RAB11FIP5: variants seen among roughly 807,000 people sequenced by gnomAD.
The protein encoded by RAB11FIP5 is rab11 family-interacting protein 5.
A neutral mutation model predicts 85.1 loss-of-function variants in RAB11FIP5; 48 were observed. The observed-to-expected ratio is 0.56, with a 90% CI of 0.45 to 0.72. The LOEUF is 0.72. Ranked by LOEUF, RAB11FIP5 falls within the 30% of genes least tolerant of loss-of-function variation. The pLI, the probability that RAB11FIP5 is intolerant of heterozygous loss-of-function variation, is 0.00. For missense variants in RAB11FIP5, 1,491 were observed against 1,687.0 expected, an observed-to-expected ratio of 0.88 and a Z score of 2.04; for synonymous variants, 729 against 727.3, an observed-to-expected ratio of 1.00 and a Z score of -0.04.
Position 73,096,736 on chromosome 2 carries a change from C to T in RAB11FIP5, c.432-7421G>A, listed in dbSNP as rs541267611. On this transcript the variant is annotated intron_variant, in intron 1 of 5. Coordinates refer to ENST00000486777, the MANE Select transcript of RAB11FIP5 (RefSeq NM_001371272.1). ...CCCTGTTTACCTGACGTCCACATTCCACCCAGCAAAGACGTGAAGTGGGAG... is the reference window on the plus strand; with the variant it reads ...CCCTGTTTACCTGACGTCCACATTCTACCCAGCAAAGACGTGAAGTGGGAG... Among the ~76,000 whole-genome samples, 6 of 152,312 alleles carry T rather than the reference C, an allele frequency of 3.9e-5. No individual in the cohort carries two copies. The East Asian group carries it at 1.2e-3, about 29-fold the overall frequency.
rs1042396366 is a variant in RAB11FIP5 at position 73,081,394 on chromosome 2, A to C, written c.1838T>G (p.Ile613Arg). The change falls in exon 4 of 6, where the codon ATA becomes AGA. Residue 613 changes from isoleucine (I) to arginine (R), a missense_variant. This residue lies in a region of RAB11FIP5 where 1,211 missense variants were observed against 1,338.0 expected (regional missense o/e 0.91). Coordinates refer to ENST00000486777, the MANE Select transcript of RAB11FIP5 (RefSeq NM_001371272.1). The surrounding 1 kb of genome is among the most constrained non-coding windows in gnomAD (Gnocchi z 4.2). ...AGGAGAGTTTAGTGCTATGTCGGCTATGAGCTCCTCGAAGAAGGGGTTGCT... is the reference window on the plus strand; with the variant it reads ...AGGAGAGTTTAGTGCTATGTCGGCTCTGAGCTCCTCGAAGAAGGGGTTGCT... ...LQSNPFFEEL[I>R]ADIALNSPSP... 1.6e-6 allele frequency: 2 copies of C among 1,232,584 alleles called. No individual in the cohort carries two copies. Among genetic ancestry groups the C allele is most frequent in the Admixed American group, 4.2e-5 (1 of 23,716 alleles). The allele number at this position is 1,232,584 out of a possible 1,614,324, so 76.4% of individuals were successfully genotyped here.
At chr2:73,094,832 G>A (rs755351473) in intron 1 of RAB11FIP5, among the ~76,000 whole-genome samples, 6 of 152,056 alleles carry the variant, frequency 3.9e-5, no homozygotes, top group South Asian at 2.1e-4. Context: ...CCTCCCCCAG[G>A]AGGGGGTAAG....
chr2:73,090,520 A>C (rs1255317095), intron 1 of RAB11FIP5, among the ~76,000 whole-genome samples: 1 of 152,220 alleles, frequency 6.6e-6, no homozygotes, highest in Non-Finnish European at 1.5e-5. Flanking sequence ...GTAGGTGAAA[A>C]GATAAGCAAA....
intron 1 of RAB11FIP5, among the ~76,000 whole-genome samples, chr2:73,097,758 T>C (rs1003756959): frequency 1.3e-5 from 2 of 152,210 alleles, no homozygotes; most frequent in African/African-American, 2.4e-5. Flanking sequence ...TGAGACCTTC[T>C]TTAATTGTGA....
At chr2:73,097,442 C>T (rs1188493188) in intron 1 of RAB11FIP5, among the ~76,000 whole-genome samples, 1 of 152,214 alleles carries the variant, frequency 6.6e-6, no homozygotes, top group Non-Finnish European at 1.5e-5. Context: ...TGCACATGTT[C>T]AAGGCTTGTT....
chr2:73,082,040 CTT>C (rs11409259), intron 3 of RAB11FIP5, among the ~76,000 whole-genome samples: 19 of 129,834 alleles, frequency 1.5e-4, no homozygotes, highest in Middle Eastern at 4.0e-3. Context: ...CCTTACATCC[CTT>C]TTTTTTTTTT....
At position 73,080,979 on chromosome 2, in the gene RAB11FIP5, G is replaced by C; in HGVS notation, c.2253C>G (p.Pro751=). The C allele has an allele frequency of 8.1e-7, 1 of 1,232,322 alleles. No homozygotes were observed. Among genetic ancestry groups the C allele is most frequent in the South Asian group, 4.1e-5 (1 of 24,330 alleles). 76.3% of individuals were successfully genotyped at this position (1,232,322 alleles called of 1,614,324 possible). Residue 751 remains proline, a synonymous_variant, in exon 4 of 6, where the codon CCC becomes CCG. Coordinates refer to ENST00000486777, the MANE Select transcript of RAB11FIP5 (RefSeq NM_001371272.1). The stretch of plus-strand genomic sequence containing the variant: ...TCAGCTGTAGCTGGGCTGACGAGGA[G>C]GGCAGGCCAGCCCCTACCGACCCGA... ...GLLGSVGAGL[P]SSSAQLQLRA...
Position 73,075,729 on chromosome 2 carries a change from G to C in RAB11FIP5, c.3772-5C>G, listed in dbSNP as rs376076506. 6.3e-7 allele frequency: 1 copy of C among 1,591,922 alleles called. No individual in the cohort carries two copies. Among genetic ancestry groups the C allele is most frequent in the Admixed American group, 1.7e-5 (1 of 57,900 alleles). The stretch of plus-strand genomic sequence containing the variant: ...CTGGTCCAGCACAGCTGAGTCCTGA[G>C]GCCGGACCGAAGACAGTGAGCAGGG... On this transcript the variant is annotated splice_region_variant and splice_polypyrimidine_tract_variant and intron_variant, in intron 5 of 5. Transcript: ENST00000486777. The surrounding 1 kb of genome is among the most constrained non-coding windows in gnomAD (Gnocchi z 4.6).
chr2:73,081,683 C>G lies in RAB11FIP5; in HGVS notation c.1569-20G>C. The G allele has an allele frequency of 8.1e-7, 1 of 1,231,738 alleles. No homozygotes were observed. The highest frequency in any genetic ancestry group is 1.0e-6 in the Non-Finnish European group (1 of 987,636). 76.3% of individuals were successfully genotyped at this position (1,231,738 alleles called of 1,614,324 possible). On this transcript the variant is annotated intron_variant, in intron 3 of 5. Coordinates refer to ENST00000486777, the MANE Select transcript of RAB11FIP5 (RefSeq NM_001371272.1). The surrounding 1 kb of genome is among the most constrained non-coding windows in gnomAD (Gnocchi z 4.2). The stretch of plus-strand genomic sequence containing the variant: ...TCCAGGCTGTGGAGGGAGACAAAAC[C>G]GTGAGCCTCCTGGTTAATGCCAAGA...
intron 3 of RAB11FIP5, among the ~76,000 whole-genome samples, chr2:73,082,245 G>A (rs1365032547): frequency 1.3e-5 from 2 of 152,020 alleles, no homozygotes; most frequent in Admixed American, 6.6e-5. Context: ...TCCTGGCCTC[G>A]TGATCTGCCC....
chr2:73,082,006 T>A (rs1048162922), intron 3 of RAB11FIP5, among the ~76,000 whole-genome samples: 1 of 151,598 alleles, frequency 6.6e-6, no homozygotes, highest in African/African-American at 2.4e-5. Flanking sequence ...GGAATTTACA[T>A]CTGGGAAAAC....
intron 1 of RAB11FIP5, among the ~76,000 whole-genome samples, chr2:73,100,042 C>T (rs1315589111): frequency 6.6e-6 from 1 of 152,142 alleles, no homozygotes; most frequent in Non-Finnish European, 1.5e-5. Context: ...CTTCTAAAAG[C>T]GAAAGCAGGG....
chr2:73,075,836 GC>G lies in RAB11FIP5; in HGVS notation c.3772-113del. The stretch of plus-strand genomic sequence containing the variant: ...AACACCTAAGTTTCACCACCACAGG[GC>G]CCCAGGCTGCCTGTCTCCAAAGTCA... On this transcript the variant is annotated intron_variant, in intron 5 of 5. Transcript: ENST00000486777. This position sits in a 1 kb window ranked among gnomAD's most constrained non-coding sequence, Gnocchi z 4.6. 1 of 1,448,714 alleles carries G rather than the reference GC, an allele frequency of 6.9e-7. No individual in the cohort carries two copies. Among genetic ancestry groups the G allele is most frequent in the Non-Finnish European group, 9.4e-7 (1 of 1,062,558 alleles). 89.7% of individuals were successfully genotyped at this position (1,448,714 alleles called of 1,614,324 possible).
chr2:73,092,330 C>T (rs1238830920), intron 1 of RAB11FIP5, among the ~76,000 whole-genome samples: 1 of 152,230 alleles, frequency 6.6e-6, no homozygotes, highest in Admixed American at 6.5e-5. Flanking sequence ...CAGCTACTCA[C>T]ACTGCACACA....
chr2:73,085,318 C>T (rs1684070824), intron 3 of RAB11FIP5, among the ~76,000 whole-genome samples: 1 of 152,196 alleles, frequency 6.6e-6, no homozygotes, highest in Non-Finnish European at 1.5e-5. Flanking sequence ...CACACTTATT[C>T]CCAACTTTAA....
At position 73,075,659 on chromosome 2, in the gene RAB11FIP5, C is replaced by T. The variant is rs1479572347; in HGVS notation, c.3837G>A (p.Leu1279=). The change falls in exon 6 of 6, where the codon CTG becomes CTA. Residue 1279 remains leucine, a synonymous_variant. Coordinates refer to ENST00000486777, the MANE Select transcript of RAB11FIP5 (RefSeq NM_001371272.1). The surrounding 1 kb of genome is among the most constrained non-coding windows in gnomAD (Gnocchi z 4.6). ...YHLTHDELIS[L]LLQRERELSQ... ...TCAGCTCCCGCTCCCGCTGCAGGAG[C>T]AGGCTGATGAGCTCATCGTGGGTCA... 6 of 1,613,850 alleles carry T rather than the reference C, an allele frequency of 3.7e-6. No homozygotes were observed. Among genetic ancestry groups the T allele is most frequent in the Middle Eastern group, 3.3e-4 (2 of 6,042 alleles).
At position 73,089,032 on chromosome 2, in the gene RAB11FIP5, T is replaced by G; in HGVS notation, c.715A>C (p.Lys239Gln). 6.2e-7 allele frequency: 1 copy of G among 1,614,192 alleles called. No homozygotes were observed. The highest frequency in any genetic ancestry group is 8.5e-7 in the Non-Finnish European group (1 of 1,180,024). ...GKAKGFFLRN[K>Q]LRKSSLTQSN... Reference sequence around the variant, plus strand: ...TGGGTCAGGGACGACTTGCGCAGCTTGTTGCGGAGGAAGAAGCCTTTGGCT... The same window carrying G: ...TGGGTCAGGGACGACTTGCGCAGCTGGTTGCGGAGGAAGAAGCCTTTGGCT... The change falls in exon 2 of 6, where the codon AAG (lysine) becomes CAG (glutamine). Residue 239 changes from lysine (K) to glutamine (Q), a missense_variant. Coordinates refer to ENST00000486777, the MANE Select transcript of RAB11FIP5 (RefSeq NM_001371272.1). The surrounding 1 kb of genome is among the most constrained non-coding windows in gnomAD (Gnocchi z 4.6).
At position 73,075,668 on chromosome 2, in the gene RAB11FIP5, G is replaced by A. The variant is rs754194203; in HGVS notation, c.3828C>T (p.Leu1276=). 8 of 1,613,650 alleles carry A rather than the reference G, an allele frequency of 5.0e-6. No individual in the cohort carries two copies. The highest frequency in any genetic ancestry group is 6.8e-6 in the Non-Finnish European group (8 of 1,179,824). Residue 1276 remains leucine (L), a synonymous_variant, in exon 6 of 6, where the codon CTC becomes CTT. Transcript: ENST00000486777. This position sits in a 1 kb window ranked among gnomAD's most constrained non-coding sequence, Gnocchi z 4.6. ...GCTCCCGCTGCAGGAGCAGGCTGAT[G>A]AGCTCATCGTGGGTCAGGTGGTAGT... ...AKYYHLTHDE[L]ISLLLQRERE...
chr2:73,082,601 G>A (rs148097990), intron 3 of RAB11FIP5, among the ~76,000 whole-genome samples: 1 of 152,298 alleles, frequency 6.6e-6, no homozygotes, highest in Non-Finnish European at 1.5e-5. Flanking sequence ...GTGCCCTGAT[G>A]GTCCAGCCTT....
Sources: gnomAD v4.1 joint callset for allele counts (sites outside exome capture counted in the v4.1 genomes callset) on GRCh38, gnomAD v4.1.1 for gene constraint, gnomAD v4.1.1 regional missense constraint, Gnocchi (gnomAD v3.1) non-coding constraint, MANE v1.5 for transcripts, NCBI Gene and HGNC (gene_info 2026-07-23, HGNC 2026-07-21) for gene names.